TSPEAR: variants seen among roughly 807,000 people sequenced by gnomAD.
TSPEAR encodes thrombospondin-type laminin G domain and EAR repeat-containing protein.
In TSPEAR, 69 loss-of-function variants were observed where a neutral mutation model predicts 71.6. The ratio of observed to expected loss-of-function variants is 0.96; its 90% CI spans 0.79 to 1.18. The LOEUF is 1.18. TSPEAR is among the 50% of genes most tolerant of loss of function. The pLI is 0.00. For synonymous variants in TSPEAR, 402 were observed against 387.2 expected (o/e 1.04, Z -0.45); for missense variants, 971 against 894.9 (o/e 1.09, Z -1.09).
chr21:44,601,872 C>A (rs1452896885), intron 1 of TSPEAR: 3 of 1,192,228 alleles, frequency 2.5e-6, no homozygotes, highest in Non-Finnish European at 2.3e-6. Flanking sequence ...ATCCAGTGTG[C>A]GCTTCTCCTC....
intron 2 of TSPEAR, chr21:44,557,876 A>G (rs1601413049): frequency 2.6e-6 from 2 of 755,112 alleles, no homozygotes; most frequent in South Asian, 1.9e-5. Context: ...CAGCATGGAG[A>G]TGAGGGTGTG....
intron 2 of TSPEAR, among the ~76,000 whole-genome samples, chr21:44,536,129 G>A (rs961372974): frequency 1.6e-4 from 24 of 152,290 alleles, no homozygotes; most frequent in African/African-American, 5.3e-4. Context: ...AGCCGCTTGT[G>A]TTCCATGGCT....
In TSPEAR at chr21:44,627,136, T is replaced by C. The variant is rs368594222; in HGVS notation, c.83-59131A>G. 64 of 1,584,444 alleles carry C rather than the reference T, an allele frequency of 4.0e-5. No homozygotes were observed. In the Middle Eastern group the frequency reaches 8.1e-4, roughly 20 times the overall value. On this transcript the variant is annotated intron_variant, in intron 1 of 11. Coordinates refer to ENST00000323084, the MANE Select transcript of TSPEAR (RefSeq NM_144991.3). ...TCACTGACACACTCACACACTCACT[T>C]ACACCTCCCCCAGCTCACCTCCTCC... is the stretch of plus-strand genomic sequence containing the variant.
chr21:44,634,649 C>T (rs1279489626), intron 1 of TSPEAR, among the ~76,000 whole-genome samples: 2 of 152,010 alleles, frequency 1.3e-5, no homozygotes, highest in Non-Finnish European at 2.9e-5. Flanking sequence ...AAAGTCAACC[C>T]AATTTAAAAA....
chr21:44,613,069 C>A, intron 1 of TSPEAR: 1 of 859,188 alleles, frequency 1.2e-6, no homozygotes, highest in Non-Finnish European at 1.7e-6. Flanking sequence ...CAGCTCTTGC[C>A]TTCCAGCAGG....
intron 1 of TSPEAR, chr21:44,697,028 TCACTCACTCCCTCCCTCCTGCCCATCCAG>T (rs1987373189): frequency 9.3e-6 from 8 of 862,888 alleles, no homozygotes; most frequent in Non-Finnish European, 1.1e-5. Context: ...ACCCAGACGC[TCACTCACTCCCTCCCTCCTGCCCATCCAG>T]CACCCAGACG....
At chr21:44,539,386 G>A in intron 2 of TSPEAR, 1 of 1,612,698 alleles carries the variant, frequency 6.2e-7, no homozygotes, top group South Asian at 1.1e-5. Context: ...GGCAGGAGGA[G>A]GCAGGGGCAC....
chr21:44,525,544 C>T, intron 8 of TSPEAR, 109 bp downstream of exon 8: 1 of 1,165,686 alleles, frequency 8.6e-7, no homozygotes, highest in Non-Finnish European at 1.2e-6. Context: ...TCACCCTGTG[C>T]TGCATGTGGC....
At chr21:44,538,203 T>C (rs2053124794) in intron 2 of TSPEAR, among the ~76,000 whole-genome samples, 1 of 152,174 alleles carries the variant, frequency 6.6e-6, no homozygotes, top group African/African-American at 2.4e-5. Context: ...GTCTGAGGAC[T>C]GACTGCTCTG....
intron 6 of TSPEAR, among the ~76,000 whole-genome samples, chr21:44,527,804 C>A (rs1419129189): frequency 1.3e-5 from 2 of 152,144 alleles, no homozygotes; most frequent in African/African-American, 4.8e-5. Flanking sequence ...GTTGTGCTCT[C>A]GATAATGTGA....
At chr21:44,597,437 C>CTTTTTTTTTTTTTTTT (rs56129761) in intron 1 of TSPEAR, among the ~76,000 whole-genome samples, 1 of 119,220 alleles carries the variant, frequency 8.4e-6, no homozygotes. Context: ...TCTTTCTTTT[C>CTTTTTTTTTTTTTTTT]TTTTTTTTTT....
rs781905951 is a variant in TSPEAR at position 44,711,400 on chromosome 21, AC to A, written c.82+32del. On this transcript the variant is annotated intron_variant, in intron 1 of 11. Coordinates refer to ENST00000323084, the MANE Select transcript of TSPEAR (RefSeq NM_144991.3). The surrounding 1 kb of genome is among the most constrained non-coding windows in gnomAD (Gnocchi z 4.5). Reference sequence around the variant, plus strand: ...ACCCCTCCCAGCTCCCCGGCAAGATACCCCCGCCCGAGTTCCCATGCCCCTG... The same window carrying A: ...ACCCCTCCCAGCTCCCCGGCAAGATACCCCGCCCGAGTTCCCATGCCCCTG... 3.2e-6 allele frequency: 5 copies of A among 1,555,998 alleles called. No homozygotes were observed. The highest frequency in any genetic ancestry group is 4.4e-6 in the Non-Finnish European group (5 of 1,147,750).
intron 1 of TSPEAR, among the ~76,000 whole-genome samples, chr21:44,594,450 G>A (rs587757974): frequency 2.8e-4 from 43 of 152,248 alleles, no homozygotes; most frequent in Non-Finnish European, 5.1e-4. Context: ...GGGTGTGCCC[G>A]CCCATCAGAC....
In TSPEAR at chr21:44,612,401, C is replaced by A; in HGVS notation, c.83-44396G>T. 1 of 1,614,078 alleles carries A rather than the reference C, an allele frequency of 6.2e-7. No homozygotes were observed. The highest frequency in any genetic ancestry group is 8.5e-7 in the Non-Finnish European group (1 of 1,180,032). ...CTCCTGCACACCTTCATGCTGCCAG[C>A]AGTCTAGCTGCCAGCCGGCTTGCTG... On this transcript the variant is annotated intron_variant, in intron 1 of 11. Transcript: ENST00000323084. The surrounding 1 kb of genome is among the most constrained non-coding windows in gnomAD (Gnocchi z 4.1).
rs763161114 is a variant in TSPEAR, at chr21:44,593,129, C to A, written c.83-25124G>T. 2.0e-5 allele frequency among the ~76,000 whole-genome samples: 3 copies of A among 152,238 alleles called. No homozygotes were observed. The highest frequency in any genetic ancestry group is 7.2e-5 in the African/African-American group (3 of 41,454). ...GCAGCAGGACCTGTGTGTTCCAGGG[C>A]AAGGACGGTGGGCTTGGCCCCTCCC... On this transcript the variant is annotated intron_variant, in intron 1 of 11. Coordinates refer to ENST00000323084, the MANE Select transcript of TSPEAR (RefSeq NM_144991.3). This position sits in a 1 kb window ranked among gnomAD's most constrained non-coding sequence, Gnocchi z 5.9.
At chr21:44,658,812 C>T (rs868946349) in intron 1 of TSPEAR, among the ~76,000 whole-genome samples, 2 of 152,108 alleles carry the variant, frequency 1.3e-5, no homozygotes, top group South Asian at 2.1e-4. Flanking sequence ...GCCTGGGACC[C>T]GGGTATAAAG....
In TSPEAR at chr21:44,506,289, T is replaced by C. The variant is rs990025866; in HGVS notation, c.1755-1408A>G. ...CTCCCCAGGAGCCCACCTGCCGAGC[T>C]GTCAGCGTCAGCCCCACATCTCAAG... On this transcript the variant is annotated intron_variant, in intron 10 of 11. Transcript: ENST00000323084. This position sits in a 1 kb window ranked among gnomAD's most constrained non-coding sequence, Gnocchi z 4.2. Among the ~76,000 whole-genome samples the C allele has an allele frequency of 3.9e-5, 6 of 152,206 alleles. No individual in the cohort carries two copies. Among genetic ancestry groups the C allele is most frequent in the Non-Finnish European group, 7.4e-5 (5 of 68,002 alleles).
intron 1 of TSPEAR, among the ~76,000 whole-genome samples, chr21:44,698,267 G>A (rs1201727680): frequency 2.6e-5 from 4 of 152,138 alleles, no homozygotes; most frequent in African/African-American, 9.7e-5. Context: ...CACCCTCCAC[G>A]TAGCCCGGCT....
Position 44,626,773 on chromosome 21 carries a change from T to G in TSPEAR, c.83-58768A>C, listed in dbSNP as rs587766224. Among the ~76,000 whole-genome samples, 13 of 152,214 alleles carry G rather than the reference T, an allele frequency of 8.5e-5. No individual in the cohort carries two copies. The South Asian group carries it at 2.7e-3, about 32-fold the overall frequency. On this transcript the variant is annotated intron_variant, in intron 1 of 11. Coordinates refer to ENST00000323084, the MANE Select transcript of TSPEAR (RefSeq NM_144991.3). ...CGTGTCCTGAGGCTGCTGGGGCCAG[T>G]GGCTGGACGATGCCCCAGCAACCAA...
Sources: allele counts gnomAD v4.1 joint callset (sites outside exome capture counted in the v4.1 genomes callset), GRCh38; gene constraint gnomAD v4.1.1; non-coding constraint Gnocchi (gnomAD v3.1); transcripts MANE v1.5; gene names NCBI Gene and HGNC (gene_info 2026-07-23, HGNC 2026-07-21).